The following RYR2 variants were observed in gnomAD, a reference collection of about 807,000 sequenced individuals.
The protein encoded by RYR2 is ryanodine receptor 2, also known as cardiac muscle ryanodine receptor-calcium release channel.
Under a neutral mutation model 601.1 loss-of-function variants are expected in RYR2, and 227 were observed. The ratio of observed to expected loss-of-function variants is 0.38; its 90% confidence interval spans 0.34 to 0.42. The LOEUF (loss-of-function observed/expected upper bound fraction) is 0.42. RYR2 is among the 10% of genes least tolerant of loss of function. The probability of loss-of-function intolerance (pLI) is 1.00; values close to 1 mark genes in which losing one functional copy is unlikely to be tolerated. For synonymous variants in RYR2, 2,223 were observed against 2,175.1 expected (o/e 1.02, Z -0.61); for missense variants, 4,646 against 6,156.5 (o/e 0.75, Z 8.21).
intron 1 of RYR2, among the ~76,000 whole-genome samples, chr1:237,066,172 TTTTG>T (rs1186786250): frequency 3.3e-5 from 5 of 152,228 alleles, no homozygotes; most frequent in Admixed American, 6.5e-5. Flanking sequence ...ACATACCACA[TTTTG>T]TTTGGCCATT....
At chr1:237,637,010 G>A (rs187834024) in intron 44 of RYR2, among the ~76,000 whole-genome samples, 1 of 152,258 alleles carries the variant, frequency 6.6e-6, no homozygotes. Flanking sequence ...AGAGAAAACC[G>A]ATTGTCTGGG....
chr1:237,549,412 A>C (rs930952265), intron 26 of RYR2, among the ~76,000 whole-genome samples: 3 of 152,126 alleles, frequency 2.0e-5, no homozygotes, highest in East Asian at 3.9e-4. Flanking sequence ...CCGTCTCTAC[A>C]AAAAATTAAA....
At chr1:237,802,031 A>G (rs1275871312) in intron 98 of RYR2, 115 bp downstream of exon 98, 11 of 621,976 alleles carry the variant, frequency 1.8e-5, no homozygotes, top group Non-Finnish European at 3.0e-5. Flanking sequence ...AATTCATTTC[A>G]TACAGACCAG....
intron 10 of RYR2, among the ~76,000 whole-genome samples, chr1:237,398,747 C>G (rs1158885325): frequency 6.6e-6 from 1 of 152,172 alleles, no homozygotes; most frequent in African/African-American, 2.4e-5. Context: ...GGCATTTATT[C>G]TAAAGAATGA....
intron 1 of RYR2, among the ~76,000 whole-genome samples, chr1:237,244,717 C>T (rs568770078): frequency 6.6e-6 from 1 of 152,044 alleles, no homozygotes; most frequent in Non-Finnish European, 1.5e-5. Context: ...CTTTCTTTTG[C>T]CTATTAAACC....
intron 1 of RYR2, among the ~76,000 whole-genome samples, chr1:237,084,901 C>G (rs1408874991): frequency 6.6e-6 from 1 of 152,226 alleles, no homozygotes; most frequent in Non-Finnish European, 1.5e-5. Context: ...GTATACATAC[C>G]CTGGTCTCAG....
At chr1:237,661,436 G>A (rs1272023512) in intron 56 of RYR2, among the ~76,000 whole-genome samples, 4 of 152,094 alleles carry the variant, frequency 2.6e-5, no homozygotes, top group African/African-American at 9.7e-5. Flanking sequence ...TGTGGCACGT[G>A]TATACCTATG....
intron 33 of RYR2, among the ~76,000 whole-genome samples, chr1:237,594,843 G>C (rs1675626413): frequency 6.9e-6 from 1 of 144,278 alleles, no homozygotes; most frequent in Non-Finnish European, 1.5e-5. Context: ...AAAAGCTTTA[G>C]GGAAGGTGAA....
chr1:237,142,633 A>G (rs1673511153), intron 1 of RYR2, among the ~76,000 whole-genome samples: 1 of 152,202 alleles, frequency 6.6e-6, no homozygotes, highest in Admixed American at 6.5e-5. Context: ...GCAGTTGGGA[A>G]GAGCATGCTG....
intron 27 of RYR2, among the ~76,000 whole-genome samples, chr1:237,562,885 C>T (rs957605997): frequency 2.0e-5 from 3 of 152,062 alleles, no homozygotes; most frequent in African/African-American, 4.8e-5. Flanking sequence ...GAAGAGTCTT[C>T]GTTTCTAGAT....
intron 1 of RYR2, among the ~76,000 whole-genome samples, chr1:237,055,436 A>G (rs1238762966): frequency 6.6e-6 from 1 of 152,160 alleles, no homozygotes; most frequent in Admixed American, 6.5e-5. Context: ...TGAGAAGCCT[A>G]TTAGGAGACA....
intron 63 of RYR2, among the ~76,000 whole-genome samples, chr1:237,696,777 T>C (rs1330183509): frequency 6.6e-6 from 1 of 151,852 alleles, no homozygotes; most frequent in Non-Finnish European, 1.5e-5. Context: ...GCTTTCCCGC[T>C]CACCTCACAT....
At chr1:237,054,082 A>G in intron 1 of RYR2, among the ~76,000 whole-genome samples, 1 of 152,180 alleles carries the variant, frequency 6.6e-6, no homozygotes, top group East Asian at 1.9e-4. Context: ...AGGTGAAATG[A>G]CTTGTTCAAG....
rs370297602 is a variant in RYR2 at position 237,784,375 on chromosome 1, C to T, written c.12663C>T (p.Ser4221=). Residue 4221 remains serine, a synonymous_variant, in exon 90 of 105, where the codon AGC becomes AGT. Transcript: ENST00000366574. The surrounding 1 kb of genome is among the most constrained non-coding windows in gnomAD (Gnocchi z 7.1). ...LNERSANKEE[S]EKERPEEQGP... Reference sequence around the variant, plus strand: ...AGAGGTCAGCGAATAAGGAAGAAAGCGAGAAGGAGAGGCCGGAAGAGCAGG... The same window carrying T: ...AGAGGTCAGCGAATAAGGAAGAAAGTGAGAAGGAGAGGCCGGAAGAGCAGG... The T allele has an allele frequency of 9.0e-5, 145 of 1,613,682 alleles. 1 individual carries two copies. In the African/African-American group the frequency reaches 1.6e-3, roughly 18 times the overall value.
intron 61 of RYR2, among the ~76,000 whole-genome samples, chr1:237,679,713 G>T (rs1343145704): frequency 1.3e-5 from 2 of 152,156 alleles, no homozygotes; most frequent in Admixed American, 1.3e-4. Flanking sequence ...TGCAAATGAT[G>T]TTATCAGAGC....
At chr1:237,537,251 G>A (rs1223949936) in intron 25 of RYR2, among the ~76,000 whole-genome samples, 1 of 152,172 alleles carries the variant, frequency 6.6e-6, no homozygotes, top group African/African-American at 2.4e-5. Context: ...AGCATAGATT[G>A]CAATAGCACT....
chr1:237,272,338 G>A (rs921704345), intron 2 of RYR2, among the ~76,000 whole-genome samples: 1 of 151,866 alleles, frequency 6.6e-6, no homozygotes, highest in Non-Finnish European at 1.5e-5. Context: ...AAAAATAGAG[G>A]GGGGAAGCAG....
intron 3 of RYR2, among the ~76,000 whole-genome samples, chr1:237,355,013 C>T (rs370976748): frequency 6.6e-6 from 1 of 152,026 alleles, no homozygotes; most frequent in East Asian, 1.9e-4. Flanking sequence ...ATATTGCTTC[C>T]CAAAAGCTTG....
intron 99 of RYR2, 58 bp from the exon 100 acceptor site, chr1:237,808,843 C>T (rs971856145): frequency 8.9e-6 from 14 of 1,568,564 alleles, no homozygotes; most frequent in Middle Eastern, 1.7e-4. Context: ...GTAGATGTCA[C>T]GTGTCAATTG....
Sources: allele counts gnomAD v4.1 joint callset (sites outside exome capture counted in the v4.1 genomes callset), GRCh38; gene constraint gnomAD v4.1.1; non-coding constraint Gnocchi (gnomAD v3.1); transcripts MANE v1.5; gene names NCBI Gene and HGNC (gene_info 2026-07-23, HGNC 2026-07-21).